AQR: variants seen among roughly 807,000 people sequenced by gnomAD.
The protein encoded by AQR is RNA helicase aquarius.
A neutral mutation model predicts 180.5 loss-of-function variants in AQR; 61 were observed. The ratio of observed to expected loss-of-function variants is 0.34; its 90% CI spans 0.28 to 0.42. AQR has a LOEUF of 0.42. Among genes scored for constraint, AQR ranks in the 10% least tolerant of loss-of-function variants. AQR has a pLI of 1.00. For missense variants in AQR, 1,281 were observed against 1,798.3 expected (o/e 0.71, Z 5.20); for synonymous variants, 551 against 588.8 (o/e 0.94, Z 0.93).
At chr15:34,918,044 G>A (rs954706410) in intron 15 of AQR, among the ~76,000 whole-genome samples, 2 of 152,050 alleles carry the variant, frequency 1.3e-5, no homozygotes, top group African/African-American at 4.8e-5. Flanking sequence ...TTTTTACAGG[G>A]TGATATGTGT....
intron 27 of AQR, among the ~76,000 whole-genome samples, chr15:34,877,033 A>G (rs1892897535): frequency 6.6e-6 from 1 of 152,122 alleles, no homozygotes; most frequent in Non-Finnish European, 1.5e-5. Flanking sequence ...ATATCTGTAT[A>G]TTTACTTGTT....
At position 34,900,714 on chromosome 15, in the gene AQR, T is replaced by G. The variant is rs775297449; in HGVS notation, c.2151A>C (p.Thr717=). ...CTTTTAAATGCTCAATGGAGAGAAA[T>G]GTATCATTGAAATCAAGGGTGGCAA... The part of the protein sequence containing the change: ...NQIATLDFND[T]FLSIEHLKAS... Residue 717 remains threonine, a synonymous_variant, in exon 20 of 35, where the codon ACA becomes ACC. Coordinates refer to ENST00000156471, the MANE Select transcript of AQR (RefSeq NM_014691.3). 5.0e-6 allele frequency: 8 copies of G among 1,614,090 alleles called. No individual in the cohort carries two copies. The highest frequency in any genetic ancestry group is 6.8e-6 in the Non-Finnish European group (8 of 1,180,026).
At chr15:34,913,122 C>T (rs1369572537) in intron 16 of AQR, among the ~76,000 whole-genome samples, 1 of 152,114 alleles carries the variant, frequency 6.6e-6, no homozygotes, top group Admixed American at 6.6e-5. Context: ...AGTTGTGCAT[C>T]CATCACCACA....
In AQR at chr15:34,915,962, A is replaced by G. The variant is rs564631868; in HGVS notation, c.1343-783T>C. ...ACTCCGTCTCAAATAAAAAAAAAAAAAGAGAGAGAATTGGGGTGAAGGATG... is the reference window on the plus strand; with the variant it reads ...ACTCCGTCTCAAATAAAAAAAAAAAGAGAGAGAGAATTGGGGTGAAGGATG... On this transcript the variant is annotated intron_variant, in intron 15 of 34. Transcript: ENST00000156471. 4.1e-4 allele frequency among the ~76,000 whole-genome samples: 62 copies of G among 152,122 alleles called. 1 individual carries two copies. The highest frequency in any genetic ancestry group is 1.2e-3 in the African/African-American group (51 of 41,518).
intron 13 of AQR, among the ~76,000 whole-genome samples, chr15:34,921,332 G>A (rs1319553538): frequency 6.6e-6 from 1 of 151,360 alleles, no homozygotes; most frequent in East Asian, 2.0e-4. Context: ...TACTCAGGAG[G>A]CTGAGGCAGG....
intron 27 of AQR, among the ~76,000 whole-genome samples, chr15:34,877,178 C>G (rs954632393): frequency 6.6e-6 from 1 of 152,124 alleles, no homozygotes; most frequent in African/African-American, 2.4e-5. Flanking sequence ...TTCTATCTGT[C>G]CAATTCTCAT....
chr15:34,896,759 G>C (rs911186168), intron 22 of AQR, 138 bp downstream of exon 22: 5 of 716,764 alleles, frequency 7.0e-6, no homozygotes, highest in South Asian at 1.6e-5. Context: ...TTAGGCAGAA[G>C]AATCACTTGA....
chr15:34,915,151 C>T lies in AQR; in HGVS notation c.1371G>A (p.Leu457=). ...GGTAGTCATGAAGAGTCAAAAACTG[C>T]AAATTCAATTTGGGAAGAGCAAGAC... ...EGCLALPKLN[L]QFLTLHDYLL... The change falls in exon 16 of 35, where the codon TTG becomes TTA. Residue 457 remains leucine, a synonymous_variant. Transcript: ENST00000156471. The T allele has an allele frequency of 6.3e-7, 1 of 1,598,714 alleles. No homozygotes were observed. The highest frequency in any genetic ancestry group is 1.4e-5 in the African/African-American group (1 of 73,944).
At chr15:34,890,429 G>A in intron 23 of AQR, 105 bp from the exon 24 acceptor site, 1 of 869,662 alleles carries the variant, frequency 1.1e-6, no homozygotes, top group Non-Finnish European at 1.8e-6. Flanking sequence ...CCTTATATTA[G>A]GCCATTTATA....
chr15:34,874,717 G>C lies in AQR; in HGVS notation c.3385C>G (p.Pro1129Ala), dbSNP rs1297835929. ...LFTRFVRVGV[P>A]TVDLDAQGRA... ...CCTTGAGCATCAAGGTCAACAGTCG[G>C]AACTCCAACGCGAACAAAGCGAGTG... is the stretch of plus-strand genomic sequence containing the variant. Residue 1129 changes from proline to alanine, a missense_variant, in exon 29 of 35, where the codon CCG becomes GCG. Pro to Ala is a conservative substitution (Grantham distance 27, BLOSUM62 -1). Coordinates refer to ENST00000156471, the MANE Select transcript of AQR (RefSeq NM_014691.3). The C allele has an allele frequency of 1.9e-6, 3 of 1,613,568 alleles. No homozygotes were observed. The highest frequency in any genetic ancestry group is 1.3e-5 in the African/African-American group (1 of 74,866).
intron 1 of AQR, among the ~76,000 whole-genome samples, chr15:34,968,395 G>T (rs1312834713): frequency 1.4e-5 from 2 of 147,704 alleles, no homozygotes; most frequent in Non-Finnish European, 3.0e-5. Context: ...TGGGACCAAA[G>T]GCACCTGCCA....
chr15:34,967,199 T>C (rs2050314188), intron 1 of AQR, among the ~76,000 whole-genome samples: 1 of 152,180 alleles, frequency 6.6e-6, no homozygotes, highest in Non-Finnish European at 1.5e-5. Flanking sequence ...CGGCCCACCC[T>C]GGCCTTCTTT....
chr15:34,941,035 C>T, intron 7 of AQR, 36 bp from the exon 8 acceptor site: 1 of 1,427,350 alleles, frequency 7.0e-7, no homozygotes, highest in Non-Finnish European at 9.7e-7. Flanking sequence ...TACCAGTAGC[C>T]TCAAAGTTTA....
chr15:34,930,818 CTTTTTTTTTTTTTTTTTT>C lies in AQR; in HGVS notation c.901-465_901-448del, dbSNP rs77229498. 7.1e-5 allele frequency among the ~76,000 whole-genome samples: 6 copies of C among 84,762 alleles called. 1 individual carries two copies. The highest frequency in any genetic ancestry group is 2.0e-4 in the African/African-American group (4 of 20,116). 55.6% of individuals were successfully genotyped at this position (84,762 alleles called of 152,430 possible). A position where few individuals can be genotyped will look rare whatever the true frequency, so the allele number is the denominator to read the frequency against. ...GGAGATACTTTTTTATACGCCACTT[CTTTTTTTTTTTTTTTTTT>C]TTTTTTTTTTTTTGGTCTGAGACGG... On this transcript the variant is annotated intron_variant, in intron 11 of 34. Coordinates refer to ENST00000156471, the MANE Select transcript of AQR (RefSeq NM_014691.3).
chr15:34,938,834 G>A, intron 8 of AQR, 21 bp from the exon 9 acceptor site: 1 of 1,534,782 alleles, frequency 6.5e-7, no homozygotes, highest in South Asian at 1.2e-5. Flanking sequence ...AAAGAACATT[G>A]ACCAATTATT....
intron 13 of AQR, 146 bp downstream of exon 13, chr15:34,926,886 GAGA>G: frequency 2.4e-6 from 1 of 411,098 alleles, no homozygotes; most frequent in East Asian, 3.9e-5. Context: ...AACTGCTGGA[GAGA>G]AGCACTAGTT....
intron 13 of AQR, among the ~76,000 whole-genome samples, chr15:34,920,772 C>T (rs759482500): frequency 3.3e-5 from 5 of 152,088 alleles, no homozygotes; most frequent in Non-Finnish European, 5.9e-5. Context: ...TGCTGGCTAA[C>T]ATGGTGAAAT....
At chr15:34,874,989 C>T (rs1248463694) in intron 28 of AQR, 125 bp from the exon 29 acceptor site, 1 of 878,080 alleles carries the variant, frequency 1.1e-6, no homozygotes, top group African/African-American at 1.7e-5. Context: ...ACTTTACCAG[C>T]TCCACAAACA....
chr15:34,899,516 C>T (rs1012877300), intron 20 of AQR, among the ~76,000 whole-genome samples: 15 of 151,526 alleles, frequency 9.9e-5, no homozygotes, highest in Admixed American at 5.3e-4. Flanking sequence ...ATAGCTGGGA[C>T]TGTAGGCACA....
Sources: allele counts gnomAD v4.1 joint callset (sites outside exome capture counted in the v4.1 genomes callset), GRCh38; gene constraint gnomAD v4.1.1; transcripts MANE v1.5; gene names NCBI Gene and HGNC (gene_info 2026-07-23, HGNC 2026-07-21).